Variants in ABI1 observed in about 807,000 individuals in gnomAD.
ABI1 encodes the protein abl interactor 1, also known as Abelson interactor 1.
In ABI1, 14 loss-of-function variants were observed where a neutral mutation model predicts 54.6. The observed-to-expected ratio is 0.26, with a 90% CI of 0.17 to 0.40. The LOEUF (loss-of-function observed/expected upper bound fraction) is 0.40. Among genes scored for constraint, ABI1 ranks in the 10% least tolerant of loss-of-function variants. The pLI is 1.00. For synonymous variants in ABI1, 194 were observed against 209.3 expected, an observed-to-expected ratio of 0.93 and a Z score of 0.63; for missense variants, 443 against 598.3, an observed-to-expected ratio of 0.74 and a Z score of 2.71.
chr10:26,746,653 G>C lies in ABI1; in HGVS notation c.*1917C>G. ...AGTTTTTTCAGAAAACTTTTTAAATGTAATTAATAAACCACCTGAATCTGT... is the reference window on the plus strand; with the variant it reads ...AGTTTTTTCAGAAAACTTTTTAAATCTAATTAATAAACCACCTGAATCTGT... On this transcript the variant is annotated 3_prime_UTR_variant, in exon 11 of 11. Coordinates refer to ENST00000376140, the MANE Select transcript of ABI1 (RefSeq NM_001012750.3). 1 of 621,564 alleles carries C rather than the reference G, an allele frequency of 1.6e-6. No individual in the cohort carries two copies. Among genetic ancestry groups the C allele is most frequent in the Non-Finnish European group, 2.8e-6 (1 of 355,110 alleles). The allele number at this position is 621,564 out of a possible 1,614,324, so 38.5% of individuals were successfully genotyped here. A position where few individuals can be genotyped will look rare whatever the true frequency, so the allele number is the denominator to read the frequency against.
chr10:26,857,221 T>C (rs2050889089), intron 1 of ABI1, among the ~76,000 whole-genome samples: 1 of 146,714 alleles, frequency 6.8e-6, no homozygotes, highest in Non-Finnish European at 1.5e-5. Context: ...CTTGAGAGGC[T>C]GAGGCAGGAG....
chr10:26,851,645 T>C (rs1327561927), intron 1 of ABI1, among the ~76,000 whole-genome samples: 1 of 151,702 alleles, frequency 6.6e-6, no homozygotes, highest in African/African-American at 2.4e-5. Context: ...GGTATAAACT[T>C]ATCAGGAGCA....
chr10:26,821,826 G>A (rs1185785053), intron 2 of ABI1, among the ~76,000 whole-genome samples: 1 of 151,416 alleles, frequency 6.6e-6, no homozygotes, highest in African/African-American at 2.4e-5. Context: ...AAAGCAGGAG[G>A]ATTATTATAA....
chr10:26,836,767 C>T (rs901358191), intron 1 of ABI1, among the ~76,000 whole-genome samples: 1 of 152,156 alleles, frequency 6.6e-6, no homozygotes, highest in African/African-American at 2.4e-5. Context: ...TAACTCTAAC[C>T]CTAAATTCCT....
At chr10:26,833,362 T>C (rs2048812160) in intron 1 of ABI1, among the ~76,000 whole-genome samples, 1 of 152,200 alleles carries the variant, frequency 6.6e-6, no homozygotes. Flanking sequence ...TCCCAATAAC[T>C]AGATAATTAG....
intron 2 of ABI1, among the ~76,000 whole-genome samples, chr10:26,816,118 T>C (rs1240026666): frequency 1.3e-5 from 2 of 152,176 alleles, no homozygotes; most frequent in Non-Finnish European, 2.9e-5. Flanking sequence ...ACAAAGTACA[T>C]AGTTGTGCTG....
At chr10:26,756,688 A>T (rs1049928857) in intron 8 of ABI1, among the ~76,000 whole-genome samples, 1 of 152,174 alleles carries the variant, frequency 6.6e-6, no homozygotes, top group East Asian at 1.9e-4. Context: ...CTTTAACAAG[A>T]CAGTAATTGC....
intron 2 of ABI1, among the ~76,000 whole-genome samples, chr10:26,798,332 C>A (rs573939334): frequency 6.6e-6 from 1 of 152,078 alleles, no homozygotes; most frequent in East Asian, 1.9e-4. Context: ...CAAATGAAAT[C>A]ACGAGGGTCC....
chr10:26,828,807 G>A (rs2048472876), intron 1 of ABI1, among the ~76,000 whole-genome samples: 1 of 152,190 alleles, frequency 6.6e-6, no homozygotes, highest in Non-Finnish European at 1.5e-5. Context: ...TATTTGCATA[G>A]GGTGGGATAT....
At chr10:26,831,500 G>A (rs2048672904) in intron 1 of ABI1, among the ~76,000 whole-genome samples, 1 of 152,072 alleles carries the variant, frequency 6.6e-6, no homozygotes, top group African/African-American at 2.4e-5. Flanking sequence ...CCGAGATAGT[G>A]CCACTGCACT....
At chr10:26,821,048 G>C (rs1022338231) in intron 2 of ABI1, among the ~76,000 whole-genome samples, 3 of 151,278 alleles carry the variant, frequency 2.0e-5, no homozygotes, top group Non-Finnish European at 4.4e-5. Context: ...TTTGAGACCA[G>C]CCTGGCCAAC....
chr10:26,785,248 C>G (rs1263498118), intron 2 of ABI1, among the ~76,000 whole-genome samples: 2 of 152,186 alleles, frequency 1.3e-5, no homozygotes, highest in Admixed American at 1.3e-4. Flanking sequence ...TGTTGGAAGG[C>G]AATTATACTT....
intron 2 of ABI1, among the ~76,000 whole-genome samples, chr10:26,796,522 T>C (rs1428997399): frequency 6.6e-6 from 1 of 152,144 alleles, no homozygotes; most frequent in Admixed American, 6.5e-5. Context: ...TAGGCTGTAC[T>C]ATCTAGGTTT....
At chr10:26,807,247 G>T (rs562193049) in intron 2 of ABI1, among the ~76,000 whole-genome samples, 1 of 152,208 alleles carries the variant, frequency 6.6e-6, no homozygotes, top group East Asian at 1.9e-4. Flanking sequence ...GCAGAAGGTG[G>T]TGGATCGCTT....
chr10:26,818,106 C>A (rs2047697379), intron 2 of ABI1, among the ~76,000 whole-genome samples: 1 of 124,848 alleles, frequency 8.0e-6, no homozygotes, highest in Non-Finnish European at 1.6e-5. Flanking sequence ...TTGCAGTGAG[C>A]CAAGATGGTG....
At chr10:26,846,817 G>A (rs753583546) in intron 1 of ABI1, among the ~76,000 whole-genome samples, 23 of 152,112 alleles carry the variant, frequency 1.5e-4, no homozygotes, top group African/African-American at 3.1e-4. Context: ...CTGTACACAT[G>A]CTGCTCTCCC....
intron 3 of ABI1, among the ~76,000 whole-genome samples, chr10:26,773,204 T>C (rs1261894886): frequency 1.4e-5 from 2 of 144,576 alleles, no homozygotes; most frequent in Admixed American, 6.9e-5. Flanking sequence ...ACTAAATGTC[T>C]AATGCTAATT....
chr10:26,763,901 G>C, intron 7 of ABI1: 1 of 1,613,242 alleles, frequency 6.2e-7, no homozygotes, highest in Non-Finnish European at 8.5e-7. Flanking sequence ...CTCACTGGGA[G>C]AAGTGGTGCC....
At position 26,748,546 on chromosome 10, in the gene ABI1, T is replaced by G. The variant is rs898459890; in HGVS notation, c.*24A>C. Reference sequence around the variant, plus strand: ...CCACAGTATGACTGAGTAATAAGAATCTACTTCAAAAGAAAAAAAAAAATT... The same window carrying G: ...CCACAGTATGACTGAGTAATAAGAAGCTACTTCAAAAGAAAAAAAAAAATT... On this transcript the variant is annotated 3_prime_UTR_variant, in exon 11 of 11. Transcript: ENST00000376140. 1 of 1,557,114 alleles carries G rather than the reference T, an allele frequency of 6.4e-7. No individual in the cohort carries two copies. Among genetic ancestry groups the G allele is most frequent in the African/African-American group, 1.4e-5 (1 of 73,294 alleles).
Sources: gnomAD v4.1 joint callset for allele counts (sites outside exome capture counted in the v4.1 genomes callset) on GRCh38, gnomAD v4.1.1 for gene constraint, MANE v1.5 for transcripts, NCBI Gene and HGNC (gene_info 2026-07-23, HGNC 2026-07-21) for gene names.